The following ACKR2 variants were observed in gnomAD, a reference collection of about 807,000 sequenced individuals.
The protein encoded by ACKR2 is C-C chemokine receptor D6.
For synonymous variants in ACKR2, 207 were observed against 192.2 expected, an observed-to-expected ratio of 1.08 and a Z score of -0.64; for missense variants, 457 against 477.3, an observed-to-expected ratio of 0.96 and a Z score of 0.40.
intron 2 of ACKR2, among the ~76,000 whole-genome samples, chr3:42,843,455 CT>C (rs1236047560): frequency 2.6e-5 from 4 of 151,458 alleles, no homozygotes; most frequent in African/African-American, 9.7e-5. Flanking sequence ...TTTTGTGAAA[CT>C]TTTTTTTTCA....
chr3:42,854,355 C>T lies in ACKR2; in HGVS notation c.-37-10111C>T, dbSNP rs117436095. Among the ~76,000 whole-genome samples the T allele has an allele frequency of 7.4e-4, 113 of 152,282 alleles. No homozygotes were observed. The East Asian group carries it at 0.02, about 27-fold the overall frequency. ...TTCCATGATCATTTGTTTAATGCCT[C>T]CCAGATGCCATATGACTGGCTCTCA... is the stretch of plus-strand genomic sequence containing the variant. On this transcript the variant is annotated intron_variant, in intron 2 of 2. Transcript: ENST00000422265.
intron 1 of ACKR2, among the ~76,000 whole-genome samples, chr3:42,811,369 G>A (rs1345957279): frequency 6.6e-6 from 1 of 152,202 alleles, no homozygotes; most frequent in Non-Finnish European, 1.5e-5. Context: ...AGGTTTAAGG[G>A]ATCTAGGGCT....
chr3:42,814,582 G>A (rs1289371250), intron 1 of ACKR2, among the ~76,000 whole-genome samples: 11 of 152,128 alleles, frequency 7.2e-5, no homozygotes, highest in Non-Finnish European at 4.4e-5. Context: ...GATCTTTGTC[G>A]AACTTTGTTT....
chr3:42,814,634 C>T (rs145021030), intron 1 of ACKR2, among the ~76,000 whole-genome samples: 9 of 152,184 alleles, frequency 5.9e-5, no homozygotes, highest in East Asian at 1.9e-4. Flanking sequence ...TAATAATTAC[C>T]GGTGTTTTTA....
At chr3:42,849,384 C>T (rs1239455154) in intron 2 of ACKR2, among the ~76,000 whole-genome samples, 1 of 151,934 alleles carries the variant, frequency 6.6e-6, no homozygotes, top group Non-Finnish European at 1.5e-5. Flanking sequence ...CACCTGTAAT[C>T]CCAGCCACCG....
intron 2 of ACKR2, among the ~76,000 whole-genome samples, chr3:42,849,479 G>A (rs1701130195): frequency 6.6e-6 from 1 of 152,058 alleles, no homozygotes; most frequent in South Asian, 2.1e-4. Flanking sequence ...ACTCCAGCCT[G>A]GGCAACAGAG....
chr3:42,810,209 G>A (rs964201503), intron 1 of ACKR2, among the ~76,000 whole-genome samples: 3 of 152,148 alleles, frequency 2.0e-5, no homozygotes, highest in Non-Finnish European at 2.9e-5. Flanking sequence ...TTGGTAATGC[G>A]ATTAAGTTGC....
rs59894863 is a variant in ACKR2, at chr3:42,866,177, C to CTTTTTTTTTTTTTTTTTTTTTTTT, written c.*536_*537insTTTTTTTTTTTTTTTTTTTTTTTT. The stretch of plus-strand genomic sequence containing the variant: ...TTTTTTTTCTTTCTTTCTTTCTTTT[C>CTTTTTTTTTTTTTTTTTTTTTTTT]TTTTTTTTTTTTTTTTGAGACGGAG... On this transcript the variant is annotated 3_prime_UTR_variant, in exon 3 of 3. Transcript: ENST00000422265. 8.2e-6 allele frequency: 1 copy of CTTTTTTTTTTTTTTTTTTTTTTTT among 122,046 alleles called. No individual in the cohort carries two copies. The highest frequency in any genetic ancestry group is 3.1e-5 in the African/African-American group (1 of 31,864). The allele number at this position is 122,046 out of a possible 1,614,324, so 7.6% of individuals were successfully genotyped here.
intron 1 of ACKR2, among the ~76,000 whole-genome samples, chr3:42,812,762 C>T (rs1447630387): frequency 8.2e-6 from 1 of 121,826 alleles, no homozygotes; most frequent in Non-Finnish European, 1.6e-5. Flanking sequence ...TCTCATCTGA[C>T]TTCAACCTCC....
At chr3:42,864,300 T>C (rs2088411482) in intron 2 of ACKR2, among the ~76,000 whole-genome samples, 166 bp from the exon 3 acceptor site, 1 of 152,190 alleles carries the variant, frequency 6.6e-6, no homozygotes, top group African/African-American at 2.4e-5. Context: ...CTTGGTGACA[T>C]AACTATTAAG....
At chr3:42,818,625 G>A (rs1414811912) in intron 1 of ACKR2, among the ~76,000 whole-genome samples, 2 of 152,114 alleles carry the variant, frequency 1.3e-5, no homozygotes, top group African/African-American at 4.8e-5. Flanking sequence ...GCAGTGGCGC[G>A]ATCTCGGCTC....
At chr3:42,863,587 A>G (rs1342887918) in intron 2 of ACKR2, among the ~76,000 whole-genome samples, 1 of 152,246 alleles carries the variant, frequency 6.6e-6, no homozygotes, top group Non-Finnish European at 1.5e-5. Context: ...ACTGTTCACA[A>G]TAGCAAAGAC....
intron 2 of ACKR2, among the ~76,000 whole-genome samples, chr3:42,828,093 T>TATATATATATATATATA (rs1553699769): frequency 1.4e-5 from 1 of 70,624 alleles, no homozygotes; most frequent in African/African-American, 5.9e-5. Flanking sequence ...TATATATATA[T>TATATATATATATATATA]TTTTTTTTTT....
Position 42,865,054 on chromosome 3 carries a change from G to A in ACKR2, c.552G>A (p.Gln184=). Residue 184 remains glutamine, a synonymous_variant, in exon 3 of 3, where the codon CAG becomes CAA. Transcript: ENST00000422265. ...AVSIPDMVFV[Q]THENPKGVWN... is the part of the protein sequence containing the mutation. ...CCATCCCTGATATGGTCTTTGTACA[G>A]ACACATGAAAATCCCAAGGGTGTGT... 6.2e-7 allele frequency: 1 copy of A among 1,614,132 alleles called. No homozygotes were observed. The highest frequency in any genetic ancestry group is 1.1e-5 in the South Asian group (1 of 91,086).
intron 1 of ACKR2, among the ~76,000 whole-genome samples, chr3:42,811,158 C>G (rs910173949): frequency 6.6e-6 from 1 of 151,218 alleles, no homozygotes; most frequent in African/African-American, 2.4e-5. Flanking sequence ...CCCTCATTTC[C>G]TCATTGTTTT....
intron 2 of ACKR2, among the ~76,000 whole-genome samples, chr3:42,850,774 C>T (rs749644520): frequency 6.6e-6 from 1 of 152,152 alleles, no homozygotes; most frequent in Non-Finnish European, 1.5e-5. Flanking sequence ...GCTCCTGACC[C>T]AGCAGGGGAA....
chr3:42,831,117 A>T (rs1482930808), intron 2 of ACKR2, among the ~76,000 whole-genome samples: 1 of 152,220 alleles, frequency 6.6e-6, no homozygotes, highest in Non-Finnish European at 1.5e-5. Context: ...TTGTGAGAAG[A>T]CGAGGCTTAA....
At chr3:42,860,972 C>T (rs374465128) in intron 2 of ACKR2, among the ~76,000 whole-genome samples, 1 of 152,006 alleles carries the variant, frequency 6.6e-6, no homozygotes, top group South Asian at 2.1e-4. Context: ...CAAAAGCAAA[C>T]AAATTCAAAA....
chr3:42,817,139 G>A (rs1700759559), intron 1 of ACKR2, among the ~76,000 whole-genome samples: 1 of 152,040 alleles, frequency 6.6e-6, no homozygotes. Context: ...CCATACATAA[G>A]GCACCAAGAA....
Sources: gnomAD v4.1 joint callset for allele counts (sites outside exome capture counted in the v4.1 genomes callset) on GRCh38, gnomAD v4.1.1 for gene constraint, MANE v1.5 for transcripts, NCBI Gene and HGNC (gene_info 2026-07-23, HGNC 2026-07-21) for gene names.